Variants in ACTR3C observed in about 807,000 individuals in gnomAD.
The protein encoded by ACTR3C is actin-related protein 3C.
Under a neutral mutation model 26.3 loss-of-function variants are expected in ACTR3C, and 18 were observed. The ratio of observed to expected loss-of-function variants is 0.68; its 90% CI spans 0.47 to 1.01. The LOEUF (loss-of-function observed/expected upper bound fraction) is 1.01, where lower values mean the gene tolerates loss of function less well. Among genes scored for constraint, ACTR3C ranks in the 50% least tolerant of loss-of-function variants. The pLI, the probability that ACTR3C is intolerant of heterozygous loss-of-function variation, is 0.00. For synonymous variants in ACTR3C, 55 were observed against 94.5 expected (o/e 0.58, Z 2.42); for missense variants, 184 against 250.7 (o/e 0.73, Z 1.80).
intron 1 of ACTR3C, among the ~76,000 whole-genome samples, chr7:150,316,142 A>G (rs1796859543): frequency 6.6e-6 from 1 of 152,242 alleles, no homozygotes; most frequent in Non-Finnish European, 1.5e-5. Flanking sequence ...GGTTGCAGTG[A>G]GCCGAGATCA....
At chr7:150,295,206 T>A in intron 2 of ACTR3C, 46 bp downstream of exon 2, 1 of 1,604,752 alleles carries the variant, frequency 6.2e-7, no homozygotes, top group African/African-American at 1.3e-5. Flanking sequence ...CTTCCGCTAC[T>A]AGACAGCTCA....
At position 150,285,012 on chromosome 7, in the gene ACTR3C, G is replaced by A. The variant is rs111581825; in HGVS notation, c.472-167C>T. Among the ~76,000 whole-genome samples, 1,189 of 152,324 alleles carry A rather than the reference G, an allele frequency of 7.8e-3. 16 individuals are homozygous for A. Among genetic ancestry groups the A allele is most frequent in the Non-Finnish European group, 0.011 (760 of 68,036 alleles). Reference sequence around the variant, plus strand: ...ATGAATCCCATGTGACTACGTGTGCGTGGGGTGGTGATGACACATTTCTCC... The same window carrying A: ...ATGAATCCCATGTGACTACGTGTGCATGGGGTGGTGATGACACATTTCTCC... On this transcript the variant is annotated intron_variant, in intron 5 of 7. Coordinates refer to ENST00000683684, the MANE Select transcript of ACTR3C (RefSeq NM_001164458.2).
the ACTR3C span, among the ~76,000 whole-genome samples, chr7:149,961,706 G>A: frequency 4.2e-3 from 647 of 152,250 alleles, 1 homozygote; most frequent in African/African-American, 0.015. Context: ...CTTACAGGAA[G>A]TGCACAGATA....
the ACTR3C span, among the ~76,000 whole-genome samples, chr7:150,019,233 C>A: frequency 6.7e-6 from 1 of 150,300 alleles, no homozygotes; most frequent in Non-Finnish European, 1.5e-5. Flanking sequence ...TCGGAAATAT[C>A]TAAGTTTACA....
At chr7:150,083,343 A>G in the ACTR3C span, among the ~76,000 whole-genome samples, 2 of 151,916 alleles carry the variant, frequency 1.3e-5, no homozygotes, top group Non-Finnish European at 2.9e-5. Flanking sequence ...AGGAGGGACA[A>G]TCACTTAGAA....
the ACTR3C span, among the ~76,000 whole-genome samples, chr7:150,165,458 A>G: frequency 6.6e-6 from 1 of 151,550 alleles, no homozygotes; most frequent in African/African-American, 2.4e-5. Context: ...TTAATGCAGG[A>G]CTTTTTGTTT....
At chr7:149,943,041 G>A in the ACTR3C span, among the ~76,000 whole-genome samples, 1 of 152,064 alleles carries the variant, frequency 6.6e-6, no homozygotes, top group South Asian at 2.1e-4. Flanking sequence ...CACGGCTGGA[G>A]CCCCTGCTTC....
the ACTR3C span, among the ~76,000 whole-genome samples, chr7:149,920,037 C>A: frequency 1.3e-5 from 2 of 151,206 alleles, no homozygotes; most frequent in Non-Finnish European, 2.9e-5. Context: ...GGTATTTATT[C>A]AATTGTTTTT....
the ACTR3C span, among the ~76,000 whole-genome samples, chr7:150,216,613 C>CT: frequency 2.0e-5 from 3 of 151,818 alleles, no homozygotes; most frequent in African/African-American, 7.2e-5. Flanking sequence ...AGCCCATACT[C>CT]TAACAATTAT....
the ACTR3C span, among the ~76,000 whole-genome samples, chr7:150,034,546 C>T: frequency 6.6e-6 from 1 of 151,598 alleles, no homozygotes; most frequent in African/African-American, 2.4e-5. Context: ...CTACAAAATC[C>T]CACAGCTCCT....
chr7:149,977,714 C>T, the ACTR3C span, among the ~76,000 whole-genome samples: 1 of 152,176 alleles, frequency 6.6e-6, no homozygotes, highest in Non-Finnish European at 1.5e-5. Flanking sequence ...TCCCACATCA[C>T]AAGTTGATTA....
the ACTR3C span, among the ~76,000 whole-genome samples, chr7:149,972,845 C>T: frequency 1.3e-5 from 2 of 151,604 alleles, no homozygotes; most frequent in African/African-American, 4.9e-5. Flanking sequence ...CCCAGGTAAT[C>T]ATAGTGAGTG....
At chr7:149,946,137 A>G in the ACTR3C span, among the ~76,000 whole-genome samples, 1 of 152,182 alleles carries the variant, frequency 6.6e-6, no homozygotes, top group African/African-American at 2.4e-5. Flanking sequence ...TGTAGATATG[A>G]AAGGGGATGA....
the ACTR3C span, among the ~76,000 whole-genome samples, chr7:149,955,855 C>T: frequency 6.6e-6 from 1 of 152,102 alleles, no homozygotes; most frequent in South Asian, 2.1e-4. Flanking sequence ...GCAGACTCAG[C>T]TTCTCACAAA....
chr7:150,262,900 G>C (rs1372659957), intron 6 of ACTR3C, among the ~76,000 whole-genome samples: 3 of 152,222 alleles, frequency 2.0e-5, no homozygotes, highest in Non-Finnish European at 2.9e-5. Context: ...AAATAAAAGA[G>C]ACAAACAATA....
chr7:149,963,072 G>A, the ACTR3C span, among the ~76,000 whole-genome samples: 53 of 152,360 alleles, frequency 3.5e-4, no homozygotes, highest in African/African-American at 1.0e-3. Context: ...GCCATGGGGG[G>A]CGTGGATGCA....
the ACTR3C span, among the ~76,000 whole-genome samples, chr7:150,212,850 C>G: frequency 2.0e-5 from 3 of 151,688 alleles, no homozygotes; most frequent in African/African-American, 7.3e-5. Context: ...AACCTAGAAT[C>G]AGGCAGTGGG....
chr7:150,179,471 TA>T, the ACTR3C span, among the ~76,000 whole-genome samples: 1 of 146,990 alleles, frequency 6.8e-6, no homozygotes, highest in Non-Finnish European at 1.5e-5. Flanking sequence ...AATGCCTACA[TA>T]AACCACAGTA....
the ACTR3C span, among the ~76,000 whole-genome samples, chr7:150,028,093 T>C: frequency 1.3e-5 from 2 of 152,298 alleles, no homozygotes; most frequent in African/African-American, 4.8e-5. Flanking sequence ...TTTTTTGACT[T>C]TTATATTTTA....
Sources: gnomAD v4.1 joint callset for allele counts (sites outside exome capture counted in the v4.1 genomes callset) on GRCh38, gnomAD v4.1.1 for gene constraint, MANE v1.5 for transcripts, NCBI Gene and HGNC (gene_info 2026-07-23, HGNC 2026-07-21) for gene names.